Variants in ATP6V1C1 observed in about 807,000 individuals in gnomAD.
The protein encoded by ATP6V1C1 is ATPase H+ transporting V1 subunit C1.
In ATP6V1C1, 45 loss-of-function variants were observed where a neutral mutation model predicts 53.9. That is an observed-to-expected ratio of 0.83 (90% CI 0.66 to 1.07). ATP6V1C1 has a LOEUF of 1.07. Among genes scored for constraint, ATP6V1C1 ranks in the 50% least tolerant of loss-of-function variants. The probability of loss-of-function intolerance (pLI) is 0.00; values close to 1 mark genes in which losing one functional copy is unlikely to be tolerated. For synonymous variants in ATP6V1C1, 153 were observed against 155.2 expected, an observed-to-expected ratio of 0.99 and a Z score of 0.11; for missense variants, 315 against 440.3, an observed-to-expected ratio of 0.72 and a Z score of 2.55.
chr8:103,033,529 T>C (rs763277554), intron 1 of ATP6V1C1, among the ~76,000 whole-genome samples: 43 of 152,296 alleles, frequency 2.8e-4, no homozygotes, highest in Non-Finnish European at 4.4e-4. Context: ...GCAAAAACTA[T>C]CATGATTTCC....
chr8:103,048,115 C>T (rs1035770176), intron 3 of ATP6V1C1, among the ~76,000 whole-genome samples: 4 of 152,228 alleles, frequency 2.6e-5, no homozygotes, highest in Admixed American at 2.0e-4. Flanking sequence ...CTAGTCACAG[C>T]TCTGCCGTTA....
chr8:103,068,354 G>A (rs941202559), intron 12 of ATP6V1C1, among the ~76,000 whole-genome samples: 4 of 152,208 alleles, frequency 2.6e-5, no homozygotes, highest in East Asian at 1.9e-4. Context: ...GATTTAAAAA[G>A]TTAATTTTTA....
rs1817016866 is a variant in ATP6V1C1, at chr8:103,042,390, G to A, written c.183G>A (p.Leu61=). 3.7e-6 allele frequency: 6 copies of A among 1,613,760 alleles called. No individual in the cohort carries two copies. The East Asian group carries it at 1.3e-4, about 36-fold the overall frequency. Residue 61 remains leucine (L), a synonymous_variant, in exon 3 of 13, where the codon CTG becomes CTA. Coordinates refer to ENST00000518738, the MANE Select transcript of ATP6V1C1 (RefSeq NM_001695.5). ...GCTTGTCAGATGAACTGGCTAAACT[G>A]GATGCATTTGTAGAAGGGTAATGTA... is the stretch of plus-strand genomic sequence containing the variant. The part of the protein sequence containing the change: ...LVGLSDELAK[L]DAFVEGVVKK...
intron 1 of ATP6V1C1, among the ~76,000 whole-genome samples, chr8:103,033,259 G>A (rs911907004): frequency 6.6e-6 from 1 of 152,162 alleles, no homozygotes; most frequent in African/African-American, 2.4e-5. Flanking sequence ...TTTTGACAGT[G>A]CTCACACAGG....
intron 1 of ATP6V1C1, among the ~76,000 whole-genome samples, chr8:103,034,778 G>T (rs1816863101): frequency 6.6e-6 from 1 of 151,686 alleles, no homozygotes; most frequent in Admixed American, 6.6e-5. Flanking sequence ...GTCATGTTGG[G>T]CAGGCAGGTC....
intron 5 of ATP6V1C1, among the ~76,000 whole-genome samples, chr8:103,051,975 CTAAA>C (rs915767767): frequency 2.4e-4 from 37 of 152,024 alleles, no homozygotes; most frequent in African/African-American, 8.2e-4. Flanking sequence ...AAGATTTTAA[CTAAA>C]GTCATCATGT....
chr8:103,066,553 A>G (rs1206901083), intron 12 of ATP6V1C1, 106 bp downstream of exon 12: 3 of 1,248,572 alleles, frequency 2.4e-6, no homozygotes, highest in African/African-American at 1.5e-5. Context: ...AAACTTAATC[A>G]TTTTTTATTA....
intron 1 of ATP6V1C1, among the ~76,000 whole-genome samples, chr8:103,023,357 G>T (rs1483620001): frequency 6.6e-6 from 1 of 151,530 alleles, no homozygotes; most frequent in Non-Finnish European, 1.5e-5. Flanking sequence ...CCGCTCAGGG[G>T]AACATTGTTG....
At chr8:103,025,076 G>C (rs965405260) in intron 1 of ATP6V1C1, among the ~76,000 whole-genome samples, 1 of 152,074 alleles carries the variant, frequency 6.6e-6, no homozygotes, top group Non-Finnish European at 1.5e-5. Context: ...GAGTATGTGT[G>C]TGTATTTGAA....
Position 103,069,839 on chromosome 8 carries a change from C to G in ATP6V1C1, c.*1092C>G. The G allele has an allele frequency of 6.6e-6, 1 of 151,956 alleles. No homozygotes were observed. Among genetic ancestry groups the G allele is most frequent in the Admixed American group, 6.5e-5 (1 of 15,290 alleles). 9.4% of individuals were successfully genotyped at this position (151,956 alleles called of 1,614,324 possible). On this transcript the variant is annotated 3_prime_UTR_variant, in exon 13 of 13. Coordinates refer to ENST00000518738, the MANE Select transcript of ATP6V1C1 (RefSeq NM_001695.5). ...AGGGGCATATCTAAGCTATGCTATTCCCTTTAGAAAATTAGCCTCCAAAAT... is the reference window on the plus strand; with the variant it reads ...AGGGGCATATCTAAGCTATGCTATTGCCTTTAGAAAATTAGCCTCCAAAAT...
rs1200383577 is a variant in ATP6V1C1, at chr8:103,040,664, T to C, written c.-39-134T>C. Reference sequence around the variant, plus strand: ...TTATTTCGAGGTAGGTAAATTTCACTTTGCTTGAGATCCTATGCCAACATT... The same window carrying C: ...TTATTTCGAGGTAGGTAAATTTCACCTTGCTTGAGATCCTATGCCAACATT... On this transcript the variant is annotated intron_variant, in intron 1 of 12. Transcript: ENST00000518738. 4 of 705,806 alleles carry C rather than the reference T, an allele frequency of 5.7e-6. No homozygotes were observed. In the South Asian group the frequency reaches 8.9e-5, roughly 16 times the overall value. 43.7% of individuals were successfully genotyped at this position (705,806 alleles called of 1,614,324 possible). A position where few individuals can be genotyped will look rare whatever the true frequency, so the allele number is the denominator to read the frequency against.
rs190050714 is a variant in ATP6V1C1 at position 103,060,515 on chromosome 8, G to T, written c.642-2440G>T. On this transcript the variant is annotated intron_variant, in intron 8 of 12. Coordinates refer to ENST00000518738, the MANE Select transcript of ATP6V1C1 (RefSeq NM_001695.5). ...CTCTATATTGCAGTTACTTGTGTAT[G>T]CCTGTTTCCTTTACTAAACCCATAC... 5.5e-4 allele frequency among the ~76,000 whole-genome samples: 83 copies of T among 152,286 alleles called. 1 individual carries two copies. The East Asian group carries it at 0.011, about 21-fold the overall frequency.
rs138837066 is a variant in ATP6V1C1 at position 103,061,840 on chromosome 8, C to T, written c.642-1115C>T. Among the ~76,000 whole-genome samples, 1,115 of 152,302 alleles carry T rather than the reference C, an allele frequency of 7.3e-3. 19 individuals carry two copies. The highest frequency in any genetic ancestry group is 0.026 in the African/African-American group (1,071 of 41,574). On this transcript the variant is annotated intron_variant, in intron 8 of 12. Transcript: ENST00000518738. ...TATCGCTGTGGAACAGCTGCCTGTGCAGCCTTGTGGACCTCACATAAGGAC... is the reference window on the plus strand; with the variant it reads ...TATCGCTGTGGAACAGCTGCCTGTGTAGCCTTGTGGACCTCACATAAGGAC...
intron 3 of ATP6V1C1, among the ~76,000 whole-genome samples, chr8:103,042,841 G>C (rs991891819): frequency 3.3e-5 from 5 of 152,152 alleles, no homozygotes; most frequent in Admixed American, 6.5e-5. Flanking sequence ...CTTGTAAATG[G>C]AATACAATAC....
intron 1 of ATP6V1C1, among the ~76,000 whole-genome samples, chr8:103,030,590 T>C (rs1816780509): frequency 6.6e-6 from 1 of 152,216 alleles, no homozygotes; most frequent in Non-Finnish European, 1.5e-5. Flanking sequence ...TAATTCCTCC[T>C]GCTTTTTCCT....
intron 1 of ATP6V1C1, among the ~76,000 whole-genome samples, chr8:103,038,477 A>G (rs991069412): frequency 3.3e-5 from 5 of 152,202 alleles, no homozygotes; most frequent in Non-Finnish European, 5.9e-5. Context: ...CTTTGAAGAC[A>G]TATCCTGTAA....
At position 103,070,766 on chromosome 8, in the gene ATP6V1C1, AATT is replaced by A. The variant is rs1403447711; in HGVS notation, c.*2022_*2024del. Reference sequence around the variant, plus strand: ...CTTTCACTGTGATTTCCACCAGAGAAATTATAGCAGAGTGGCTGAGCATGTGCT... The same window carrying A: ...CTTTCACTGTGATTTCCACCAGAGAAATAGCAGAGTGGCTGAGCATGTGCT... On this transcript the variant is annotated 3_prime_UTR_variant, in exon 13 of 13. Transcript: ENST00000518738. The A allele has an allele frequency of 5.3e-5, 8 of 152,284 alleles. No homozygotes were observed. Among genetic ancestry groups the A allele is most frequent in the African/African-American group, 7.2e-5 (3 of 41,464 alleles). 9.4% of individuals were successfully genotyped at this position (152,284 alleles called of 1,614,324 possible).
intron 12 of ATP6V1C1, among the ~76,000 whole-genome samples, chr8:103,067,403 A>T (rs1481263836): frequency 6.6e-6 from 1 of 151,258 alleles, no homozygotes; most frequent in African/African-American, 2.4e-5. Flanking sequence ...TCCCAAAAAA[A>T]AAAAAAAAAA....
chr8:103,042,296 TTA>T (rs1491300069), intron 2 of ATP6V1C1, 42 bp from the exon 3 acceptor site: 32 of 1,565,398 alleles, frequency 2.0e-5, no homozygotes, highest in Non-Finnish European at 2.6e-5. Flanking sequence ...TTTTTTTTTT[TTA>T]AAAAAGCATG....
Sources: gnomAD v4.1 joint callset for allele counts (sites outside exome capture counted in the v4.1 genomes callset) on GRCh38, gnomAD v4.1.1 for gene constraint, MANE v1.5 for transcripts, NCBI Gene and HGNC (gene_info 2026-07-23, HGNC 2026-07-21) for gene names.